The following SPAST variants were observed in gnomAD, a reference collection of about 807,000 sequenced individuals.
SPAST encodes spastin, also known as spastic paraplegia 4 (autosomal dominant; spastin).
In SPAST, 30 loss-of-function variants were observed where a neutral mutation model predicts 76.6. The observed-to-expected ratio is 0.39, with a 90% CI of 0.29 to 0.53. The LOEUF (loss-of-function observed/expected upper bound fraction) is 0.53, where lower values mean the gene tolerates loss of function less well. Among genes scored for constraint, SPAST ranks in the 20% least tolerant of loss-of-function variants. SPAST has a pLI of 0.68. For missense variants in SPAST, 717 were observed against 770.5 expected (o/e 0.93, Z 0.82); for synonymous variants, 305 against 281.0 (o/e 1.09, Z -0.86).
At chr2:32,075,053 C>T (rs1036446680) in intron 1 of SPAST, among the ~76,000 whole-genome samples, 8 of 152,020 alleles carry the variant, frequency 5.3e-5, no homozygotes, top group Admixed American at 2.0e-4. Flanking sequence ...GTTAACTCTT[C>T]GTACTAGTTT....
At chr2:32,122,542 G>T (rs1427258615) in intron 7 of SPAST, among the ~76,000 whole-genome samples, 4 of 151,884 alleles carry the variant, frequency 2.6e-5, no homozygotes, top group Non-Finnish European at 5.9e-5. Flanking sequence ...GTCTAGTCTC[G>T]AACTCCTGAC....
chr2:32,094,455 G>A (rs1242240252), intron 3 of SPAST, among the ~76,000 whole-genome samples: 1 of 152,102 alleles, frequency 6.6e-6, no homozygotes, highest in Non-Finnish European at 1.5e-5. Context: ...GGACAATAAT[G>A]GTCCACAGAG....
intron 1 of SPAST, among the ~76,000 whole-genome samples, chr2:32,080,459 T>G (rs367854670): frequency 4.4e-5 from 3 of 68,878 alleles, no homozygotes; most frequent in African/African-American, 1.5e-4. Flanking sequence ...GGCTAATAAT[T>G]TAAACTACAA....
intron 2 of SPAST, among the ~76,000 whole-genome samples, chr2:32,088,955 CGT>C (rs1364750473): frequency 6.6e-6 from 1 of 151,906 alleles, no homozygotes; most frequent in East Asian, 1.9e-4. Flanking sequence ...GATTTTGAAA[CGT>C]GGGGAAAAAA....
intron 16 of SPAST, among the ~76,000 whole-genome samples, chr2:32,150,312 G>T (rs181341688): frequency 1.3e-4 from 18 of 142,426 alleles, no homozygotes; most frequent in Non-Finnish European, 2.7e-4. Flanking sequence ...GGATGGTCTC[G>T]ATCTCCTGAC....
intron 1 of SPAST, among the ~76,000 whole-genome samples, chr2:32,082,397 T>G (rs1286294191): frequency 1.3e-5 from 2 of 152,190 alleles, no homozygotes; most frequent in East Asian, 3.9e-4. Context: ...AATATCATGT[T>G]TGTTAAAAAT....
intron 4 of SPAST, among the ~76,000 whole-genome samples, chr2:32,102,033 G>A (rs1352486893): frequency 4.6e-5 from 7 of 152,160 alleles, no homozygotes; most frequent in Admixed American, 3.9e-4. Context: ...TAGCTTGATG[G>A]GGATGGCATT....
intron 4 of SPAST, among the ~76,000 whole-genome samples, chr2:32,109,958 ATGTATATGTATATACATATATAGT>A (rs1678478051): frequency 6.7e-6 from 1 of 148,528 alleles, no homozygotes; most frequent in Non-Finnish European, 1.5e-5. Context: ...ACATATGTAT[ATGTATATGTATATACATATATAGT>A]TATATATGTA....
At chr2:32,078,753 TACATAA>T (rs1677076476) in intron 1 of SPAST, among the ~76,000 whole-genome samples, 1 of 152,356 alleles carries the variant, frequency 6.6e-6, no homozygotes, top group African/African-American at 2.4e-5. Flanking sequence ...TTTTTGTACT[TACATAA>T]ACATAAATAT....
chr2:32,096,060 C>A (rs1211147381), intron 3 of SPAST, among the ~76,000 whole-genome samples: 1 of 152,202 alleles, frequency 6.6e-6, no homozygotes, highest in Non-Finnish European at 1.5e-5. Flanking sequence ...GGTAAAGCAG[C>A]AAAGTTACTG....
At chr2:32,093,601 A>G (rs1677806536) in intron 3 of SPAST, among the ~76,000 whole-genome samples, 1 of 152,084 alleles carries the variant, frequency 6.6e-6, no homozygotes, top group Non-Finnish European at 1.5e-5. Flanking sequence ...CTTATTTTTT[A>G]TGTTTATTGT....
chr2:32,153,304 T>G (rs1680147648), intron 16 of SPAST, among the ~76,000 whole-genome samples: 1 of 149,476 alleles, frequency 6.7e-6, no homozygotes, highest in East Asian at 2.0e-4. Context: ...TATGCCAAAC[T>G]GCATTTTGCC....
At chr2:32,064,354 C>A in intron 1 of SPAST, 108 bp downstream of exon 1, 2 of 1,062,110 alleles carry the variant, frequency 1.9e-6, no homozygotes, top group Non-Finnish European at 2.8e-6. Flanking sequence ...GACGGTGCAC[C>A]CCCGGAATTG....
chr2:32,096,654 T>G (rs866119246), intron 3 of SPAST, among the ~76,000 whole-genome samples: 7 of 152,356 alleles, frequency 4.6e-5, no homozygotes, highest in Middle Eastern at 3.4e-3. Flanking sequence ...CTATAAAAAC[T>G]AAGAATATAA....
intron 11 of SPAST, 57 bp from the exon 12 acceptor site, chr2:32,137,052 T>C (rs1277753868): frequency 3.2e-6 from 5 of 1,555,794 alleles, no homozygotes; most frequent in African/African-American, 1.4e-5. Context: ...AATACAAATA[T>C]CTTTATATTT....
intron 12 of SPAST, among the ~76,000 whole-genome samples, chr2:32,139,521 A>G (rs1033543611): frequency 3.9e-5 from 6 of 152,300 alleles, no homozygotes; most frequent in East Asian, 1.9e-4. Flanking sequence ...CCCATTTACA[A>G]TAGCCACAAA....
At chr2:32,100,214 G>A (rs568931821) in intron 4 of SPAST, among the ~76,000 whole-genome samples, 1 of 151,970 alleles carries the variant, frequency 6.6e-6, no homozygotes, top group East Asian at 1.9e-4. Context: ...CCTAACTGGG[G>A]TAAGATACCT....
At chr2:32,069,750 G>A (rs540014546) in intron 1 of SPAST, among the ~76,000 whole-genome samples, 11 of 151,762 alleles carry the variant, frequency 7.2e-5, no homozygotes, top group Non-Finnish European at 8.8e-5. Context: ...TAGTAGAGAC[G>A]GGGTTTCACC....
intron 4 of SPAST, among the ~76,000 whole-genome samples, chr2:32,104,707 A>T (rs1678253746): frequency 6.6e-6 from 1 of 152,104 alleles, no homozygotes; most frequent in Non-Finnish European, 1.5e-5. Flanking sequence ...TCCTTCACTT[A>T]TGAAGCTTAG....
Sources: allele counts gnomAD v4.1 joint callset (sites outside exome capture counted in the v4.1 genomes callset), GRCh38; gene constraint gnomAD v4.1.1; transcripts MANE v1.5; gene names NCBI Gene and HGNC (gene_info 2026-07-23, HGNC 2026-07-21).